Variants in POU6F2 observed in about 807,000 individuals in gnomAD.
POU6F2 encodes the protein POU class 6 homeobox 2.
A neutral mutation model predicts 71.3 loss-of-function variants in POU6F2; 31 were observed. That is an observed-to-expected ratio of 0.43 (90% CI 0.33 to 0.59). POU6F2 has a LOEUF of 0.59. Ranked by LOEUF, POU6F2 falls within the 20% of genes least tolerant of loss-of-function variation. POU6F2 has a pLI of 0.04. For synonymous variants in POU6F2, 347 were observed against 355.7 expected, an observed-to-expected ratio of 0.98 and a Z score of 0.27; for missense variants, 783 against 856.8, an observed-to-expected ratio of 0.91 and a Z score of 1.07.
intron 5 of POU6F2, among the ~76,000 whole-genome samples, chr7:39,349,731 G>T (rs886876022): frequency 1.4e-4 from 22 of 152,140 alleles, no homozygotes; most frequent in Non-Finnish European, 3.1e-4. Flanking sequence ...TCTATTTCCT[G>T]TTTTTAAAAA....
In POU6F2 at chr7:39,233,110, T is replaced by G. The variant is rs1247861391; in HGVS notation, c.598+25490T>G. On this transcript the variant is annotated intron_variant, in intron 4 of 9. Transcript: ENST00000518318. ...TATCAGGTGTTTTATTAACCACTTA[T>G]CCTATGCTGTGCTCAGGTATACCAG... 5.9e-5 allele frequency among the ~76,000 whole-genome samples: 9 copies of G among 152,228 alleles called. 1 individual carries two copies. Among genetic ancestry groups the G allele is most frequent in the African/African-American group, 2.2e-4 (9 of 41,462 alleles).
Position 39,433,137 on chromosome 7 carries a change from A to T in POU6F2, c.1174A>T (p.Thr392Ser). Residue 392 changes from threonine to serine, a missense_variant, in exon 7 of 10, where the codon ACT (threonine) becomes TCT (serine). Thr to Ser is a moderately conservative substitution (Grantham distance 58). This residue lies in a region of POU6F2 where 572 missense variants were observed against 572.9 expected (regional missense o/e 1.00). Transcript: ENST00000518318. ...PGPSSQAASGTQGLQVQPITP... is the reference protein window; with the variant it reads ...PGPSSQAASGSQGLQVQPITP... ...GCCATCGAGCCAAGCAGCAAGCGGCACTCAGGGCTTGCAAGTGCAGCCAAT... is the reference window on the plus strand; with the variant it reads ...GCCATCGAGCCAAGCAGCAAGCGGCTCTCAGGGCTTGCAAGTGCAGCCAAT... 1 of 1,613,500 alleles carries T rather than the reference A, an allele frequency of 6.2e-7. No homozygotes were observed. Among genetic ancestry groups the T allele is most frequent in the Non-Finnish European group, 8.5e-7 (1 of 1,179,698 alleles).
At chr7:39,238,928 A>C (rs547456763) in intron 4 of POU6F2, among the ~76,000 whole-genome samples, 1 of 152,328 alleles carries the variant, frequency 6.6e-6, no homozygotes, top group South Asian at 2.1e-4. Context: ...AGAAGGGTAC[A>C]TAATGTACGG....
At chr7:38,998,788 T>C (rs1276415267) in intron 1 of POU6F2, among the ~76,000 whole-genome samples, 1 of 150,796 alleles carries the variant, frequency 6.6e-6, no homozygotes, top group Non-Finnish European at 1.5e-5. Flanking sequence ...TAGCTGGGAC[T>C]ACAGGCGCCT....
chr7:38,991,698 T>C (rs1241228288), intron 1 of POU6F2, among the ~76,000 whole-genome samples: 1 of 152,136 alleles, frequency 6.6e-6, no homozygotes, highest in African/African-American at 2.4e-5. Context: ...CCAATTTTTT[T>C]CAGGAAAGAG....
intron 4 of POU6F2, among the ~76,000 whole-genome samples, chr7:39,253,418 G>C (rs1436586587): frequency 6.6e-6 from 1 of 152,244 alleles, no homozygotes; most frequent in African/African-American, 2.4e-5. Flanking sequence ...ATGGTGGCTT[G>C]TGATAGACAA....
At chr7:39,298,415 A>C (rs1389062768) in intron 4 of POU6F2, among the ~76,000 whole-genome samples, 1 of 152,270 alleles carries the variant, frequency 6.6e-6, no homozygotes, top group Non-Finnish European at 1.5e-5. Flanking sequence ...AAAAAAGCTC[A>C]ACATCACTGA....
intron 1 of POU6F2, among the ~76,000 whole-genome samples, chr7:39,003,050 T>G (rs998834941): frequency 6.6e-6 from 1 of 152,212 alleles, no homozygotes; most frequent in East Asian, 1.9e-4. Flanking sequence ...AAGACTTTAA[T>G]GACATGGAAA....
chr7:39,054,796 G>T (rs200036511), intron 1 of POU6F2, among the ~76,000 whole-genome samples: 2 of 124,320 alleles, frequency 1.6e-5, no homozygotes, highest in Non-Finnish European at 3.5e-5. Flanking sequence ...AAAAAAAAAA[G>T]AGCAAGCAAA....
chr7:39,372,665 A>T (rs1400503386), intron 5 of POU6F2, among the ~76,000 whole-genome samples: 1 of 152,222 alleles, frequency 6.6e-6, no homozygotes, highest in Admixed American at 6.5e-5. Context: ...ATAATATTTG[A>T]TCACACATCT....
intron 6 of POU6F2, among the ~76,000 whole-genome samples, chr7:39,408,433 A>G (rs991658849): frequency 6.6e-6 from 1 of 152,246 alleles, no homozygotes; most frequent in Non-Finnish European, 1.5e-5. Context: ...AGATATTCTC[A>G]GGAGCTAGAG....
chr7:39,200,389 A>C (rs1003247883), intron 2 of POU6F2, among the ~76,000 whole-genome samples: 5 of 152,162 alleles, frequency 3.3e-5, no homozygotes, highest in African/African-American at 9.7e-5. Context: ...CCACTTCTAT[A>C]AGCCATGGTA....
At chr7:39,317,302 G>A (rs369500282) in intron 4 of POU6F2, among the ~76,000 whole-genome samples, 9 of 152,248 alleles carry the variant, frequency 5.9e-5, no homozygotes, top group South Asian at 2.1e-4. Context: ...GGAACTCGCC[G>A]ATGGCTTGTA....
rs554071779 is a variant in POU6F2, at chr7:39,459,791, G to C, written c.1490-756G>C. Among the ~76,000 whole-genome samples the C allele has an allele frequency of 3.0e-4, 45 of 150,586 alleles. No individual in the cohort carries two copies. In the East Asian group the frequency reaches 4.3e-3, roughly 14 times the overall value. On this transcript the variant is annotated intron_variant, in intron 8 of 9. Transcript: ENST00000518318. ...CATTTATCCAGGGATCAGTAGCCAGGGGGGGAAAAGTTTCATTCTCCAGCT... is the reference window on the plus strand; with the variant it reads ...CATTTATCCAGGGATCAGTAGCCAGCGGGGGAAAAGTTTCATTCTCCAGCT...
intron 4 of POU6F2, among the ~76,000 whole-genome samples, chr7:39,257,666 T>C (rs1741449222): frequency 6.6e-6 from 1 of 152,120 alleles, no homozygotes; most frequent in Admixed American, 6.5e-5. Context: ...GAACTAGGCT[T>C]AGAATGGAGC....
chr7:39,262,794 A>T (rs1289948399), intron 4 of POU6F2, among the ~76,000 whole-genome samples: 3 of 152,174 alleles, frequency 2.0e-5, no homozygotes, highest in Non-Finnish European at 2.9e-5. Context: ...ACTTTTTTTA[A>T]AAACATAAAA....
chr7:39,097,649 A>T (rs1791482066), intron 2 of POU6F2, among the ~76,000 whole-genome samples: 1 of 152,210 alleles, frequency 6.6e-6, no homozygotes, highest in African/African-American at 2.4e-5. Flanking sequence ...CAGTGAATTG[A>T]TCCATTCAAT....
At chr7:39,289,845 G>A (rs1363074354) in intron 4 of POU6F2, among the ~76,000 whole-genome samples, 2 of 152,020 alleles carry the variant, frequency 1.3e-5, no homozygotes, top group Non-Finnish European at 2.9e-5. Context: ...ATCCTCATGG[G>A]GCTTGTCATG....
At chr7:39,360,543 C>T (rs767279402) in intron 5 of POU6F2, among the ~76,000 whole-genome samples, 5 of 152,114 alleles carry the variant, frequency 3.3e-5, no homozygotes, top group African/African-American at 4.8e-5. Flanking sequence ...GTAGGGCACT[C>T]GTTTTGTTAC....
Sources: gnomAD v4.1 joint callset for allele counts (sites outside exome capture counted in the v4.1 genomes callset) on GRCh38, gnomAD v4.1.1 for gene constraint, gnomAD v4.1.1 regional missense constraint, MANE v1.5 for transcripts, NCBI Gene and HGNC (gene_info 2026-07-23, HGNC 2026-07-21) for gene names.